Variants in ATL2 observed in about 807,000 individuals in gnomAD.
The protein encoded by ATL2 is atlastin GTPase 2, also known as atlastin-2.
In ATL2, 31 loss-of-function variants were observed where a neutral mutation model predicts 73.9. The observed-to-expected ratio is 0.42, with a 90% CI of 0.32 to 0.57. The LOEUF (loss-of-function observed/expected upper bound fraction) is 0.57. ATL2 is among the 20% of genes least tolerant of loss of function. The pLI is 0.14. For missense variants in ATL2, 738 were observed against 702.6 expected (o/e 1.05, Z -0.57); for synonymous variants, 291 against 237.5 (o/e 1.23, Z -2.07).
At chr2:38,325,706 A>C in intron 2 of ATL2, among the ~76,000 whole-genome samples, 1 of 76,954 alleles carries the variant, frequency 1.3e-5, no homozygotes, top group Non-Finnish European at 2.3e-5. Flanking sequence ...CAGTACACAC[A>C]CACACACACA....
chr2:38,343,149 T>TAA (rs59215933), intron 2 of ATL2, 119 bp downstream of exon 2: 102 of 364,476 alleles, frequency 2.8e-4, no homozygotes, highest in Middle Eastern at 1.1e-3. Context: ...CCACTTAAAT[T>TAA]AAAAAAAAAA....
chr2:38,357,622 A>G (rs911976717), intron 1 of ATL2, among the ~76,000 whole-genome samples: 1 of 135,918 alleles, frequency 7.4e-6, no homozygotes, highest in Non-Finnish European at 1.5e-5. Context: ...ACTGCACTCC[A>G]GCCTGCGTGA....
At chr2:38,324,027 G>T (rs1440447145) in intron 2 of ATL2, among the ~76,000 whole-genome samples, 2 of 152,240 alleles carry the variant, frequency 1.3e-5, no homozygotes, top group African/African-American at 4.8e-5. Context: ...TGTAATCCCA[G>T]CACTTTGGGA....
chr2:38,375,027 A>T (rs1306474679), intron 1 of ATL2, among the ~76,000 whole-genome samples: 1 of 152,236 alleles, frequency 6.6e-6, no homozygotes, highest in Admixed American at 6.5e-5. Context: ...AATAGATTTA[A>T]TCATATCTAC....
rs888210632 is a variant in ATL2, at chr2:38,298,240, C to G, written c.1536G>C (p.Leu512=). 6.2e-7 allele frequency: 1 copy of G among 1,614,098 alleles called. No individual in the cohort carries two copies. The highest frequency in any genetic ancestry group is 1.7e-5 in the Admixed American group (1 of 60,014). ...VLCNLVMGLA[L]IFLCTWAYVK... ...CATATGCCCAAGTACAAAGAAATAT[C>G]AGTGCTAACCCCATGACAAGGTTAC... Residue 512 remains leucine (L), a synonymous_variant, in exon 12 of 13, where the codon CTG becomes CTC. Coordinates refer to ENST00000378954, the MANE Select transcript of ATL2 (RefSeq NM_001135673.4).
chr2:38,364,432 A>C (rs528243799), intron 1 of ATL2, among the ~76,000 whole-genome samples: 112 of 152,330 alleles, frequency 7.4e-4, no homozygotes, highest in African/African-American at 2.6e-3. Flanking sequence ...ATCAGATATA[A>C]GGCAATTTCA....
chr2:38,349,022 A>G, intron 1 of ATL2, among the ~76,000 whole-genome samples: 1 of 151,514 alleles, frequency 6.6e-6, no homozygotes, highest in East Asian at 1.9e-4. Context: ...GTCAGGAAAC[A>G]ACAGGTGCTG....
intron 2 of ATL2, among the ~76,000 whole-genome samples, chr2:38,336,951 C>A (rs1669391856): frequency 6.6e-6 from 1 of 152,116 alleles, no homozygotes; most frequent in African/African-American, 2.4e-5. Context: ...CTGATGAAGT[C>A]TCTAGATTCA....
intron 1 of ATL2, among the ~76,000 whole-genome samples, chr2:38,346,754 T>C (rs951993187): frequency 6.6e-6 from 1 of 152,142 alleles, no homozygotes; most frequent in Non-Finnish European, 1.5e-5. Flanking sequence ...TACTCCCCTC[T>C]TGCTGTGCGG....
At position 38,376,412 on chromosome 2, in the gene ATL2, G is replaced by C. The variant is rs905412794; in HGVS notation, c.118+731C>G. The C allele has an allele frequency of 7.4e-6, 3 of 408,086 alleles. 1 individual carries two copies. Among genetic ancestry groups the C allele is most frequent in the African/African-American group, 2.0e-5 (1 of 50,268 alleles). The allele number at this position is 408,086 out of a possible 1,614,324, so 25.3% of individuals were successfully genotyped here. A position where few individuals can be genotyped will look rare whatever the true frequency, so the allele number is the denominator to read the frequency against. The stretch of plus-strand genomic sequence containing the variant: ...TTCACACTACAGACACTTTCAGAGT[G>C]ATCAGGCCTTACTATCGTCCAAGTG... On this transcript the variant is annotated intron_variant, in intron 1 of 12. Coordinates refer to ENST00000378954, the MANE Select transcript of ATL2 (RefSeq NM_001135673.4).
chr2:38,318,709 A>G (rs1668161445), intron 3 of ATL2, 70 bp from the exon 4 acceptor site: 1 of 1,384,852 alleles, frequency 7.2e-7, no homozygotes, highest in East Asian at 2.3e-5. Context: ...AAATCAAATG[A>G]TAAATTTGAA....
chr2:38,356,318 C>G (rs1217725344), intron 1 of ATL2, among the ~76,000 whole-genome samples: 1 of 151,888 alleles, frequency 6.6e-6, no homozygotes, highest in Admixed American at 6.6e-5. Context: ...CTCAGCCTCC[C>G]AAGTAGTTGG....
intron 1 of ATL2, among the ~76,000 whole-genome samples, chr2:38,360,188 C>G (rs12712590): frequency 0.37 from 53,470 of 145,230 alleles, 12,262 homozygotes; most frequent in African/African-American, 0.67. Context: ...TTTTAAATGA[C>G]GTTAAAATTT....
intron 2 of ATL2, among the ~76,000 whole-genome samples, chr2:38,322,113 T>C (rs1668359662): frequency 6.6e-6 from 1 of 152,260 alleles, no homozygotes; most frequent in South Asian, 2.1e-4. Flanking sequence ...ATCATCTTTG[T>C]TCACCAAACT....
At chr2:38,361,298 G>A (rs961104340) in intron 1 of ATL2, among the ~76,000 whole-genome samples, 3 of 147,316 alleles carry the variant, frequency 2.0e-5, no homozygotes, top group African/African-American at 7.6e-5. Context: ...AGCCTGCAGC[G>A]AGCCGAGATC....
At chr2:38,325,902 TGTTTAAAAAAAAAAAAA>T (rs1668633662) in intron 2 of ATL2, among the ~76,000 whole-genome samples, 1 of 52,816 alleles carries the variant, frequency 1.9e-5, no homozygotes, top group African/African-American at 1.1e-4. Flanking sequence ...TTTGTTTGTT[TGTTTAAAAAAAAAAAAA>T]AAAAAAAAAA....
Position 38,299,343 on chromosome 2 carries a change from T to A in ATL2, c.1129-16A>T. 1 of 1,518,736 alleles carries A rather than the reference T, an allele frequency of 6.6e-7. No homozygotes were observed. The highest frequency in any genetic ancestry group is 8.7e-7 in the Non-Finnish European group (1 of 1,146,400). The allele number at this position is 1,518,736 out of a possible 1,614,324, so 94.1% of individuals were successfully genotyped here. ...CAGCTGTTGCCTAAAAAATAAAATA[T>A]GCCATTATTATGCAAAAAATACTCT... is the stretch of plus-strand genomic sequence containing the variant. On this transcript the variant is annotated splice_polypyrimidine_tract_variant and intron_variant, in intron 10 of 12. Coordinates refer to ENST00000378954, the MANE Select transcript of ATL2 (RefSeq NM_001135673.4).
chr2:38,310,629 CTTTTT>C (rs538258408), intron 7 of ATL2, among the ~76,000 whole-genome samples, 182 bp from the exon 8 acceptor site: 4 of 127,292 alleles, frequency 3.1e-5, no homozygotes, highest in Non-Finnish European at 3.3e-5. Context: ...TAAGACCCCA[CTTTTT>C]TTTTTTTTTT....
chr2:38,373,562 T>C (rs1437545710), intron 1 of ATL2, among the ~76,000 whole-genome samples: 1 of 152,200 alleles, frequency 6.6e-6, no homozygotes, highest in African/African-American at 2.4e-5. Context: ...AAGTTGTTTC[T>C]AGTAACTATC....
Sources: allele counts gnomAD v4.1 joint callset (sites outside exome capture counted in the v4.1 genomes callset), GRCh38; gene constraint gnomAD v4.1.1; transcripts MANE v1.5; gene names NCBI Gene and HGNC (gene_info 2026-07-23, HGNC 2026-07-21).